The following LRFN5 variants were observed in gnomAD, a reference collection of about 807,000 sequenced individuals.
LRFN5 encodes the protein leucine-rich repeat and fibronectin type-III domain-containing protein 5.
In LRFN5, 24 loss-of-function variants were observed where a neutral mutation model predicts 45.6. The ratio of observed to expected loss-of-function variants is 0.53; its 90% CI spans 0.38 to 0.74. The LOEUF is 0.74. Ranked by LOEUF, LRFN5 falls within the 30% of genes least tolerant of loss-of-function variation. The pLI is 0.00. For missense variants in LRFN5, 776 were observed against 861.5 expected (o/e 0.90, Z 1.24); for synonymous variants, 340 against 313.8 (o/e 1.08, Z -0.88).
intron 2 of LRFN5, among the ~76,000 whole-genome samples, chr14:41,793,533 A>C (rs557787234): frequency 3.9e-5 from 6 of 152,134 alleles, no homozygotes; most frequent in African/African-American, 1.4e-4. Flanking sequence ...ATATTCATTC[A>C]AGAGACCCAT....
chr14:41,673,522 G>A (rs1223538924), intron 1 of LRFN5, among the ~76,000 whole-genome samples: 12 of 148,582 alleles, frequency 8.1e-5, no homozygotes, highest in East Asian at 2.0e-4. Context: ...AGGGGCGGCC[G>A]GGCAGAGGCA....
chr14:41,717,943 C>A (rs1883556788), intron 1 of LRFN5, among the ~76,000 whole-genome samples: 1 of 152,130 alleles, frequency 6.6e-6, no homozygotes, highest in African/African-American at 2.4e-5. Context: ...TGGCTCTTCA[C>A]TATGGAATAT....
chr14:41,826,260 A>T (rs376392656), intron 2 of LRFN5, among the ~76,000 whole-genome samples: 22 of 152,304 alleles, frequency 1.4e-4, no homozygotes, highest in African/African-American at 5.1e-4. Flanking sequence ...GATTATGTAG[A>T]TACTTTAAAA....
chr14:41,838,581 C>T (rs780015870), intron 2 of LRFN5, among the ~76,000 whole-genome samples: 4 of 152,094 alleles, frequency 2.6e-5, no homozygotes, highest in Non-Finnish European at 5.9e-5. Context: ...TATGTCTCTC[C>T]CTGTTCTCCT....
intron 2 of LRFN5, among the ~76,000 whole-genome samples, chr14:41,782,454 C>T (rs1886563150): frequency 6.6e-6 from 1 of 151,982 alleles, no homozygotes; most frequent in Non-Finnish European, 1.5e-5. Flanking sequence ...TTTTTAGAGC[C>T]CTTAACATAT....
At chr14:41,874,757 G>A (rs1332733059) in intron 2 of LRFN5, among the ~76,000 whole-genome samples, 1 of 152,076 alleles carries the variant, frequency 6.6e-6, no homozygotes, top group Non-Finnish European at 1.5e-5. Context: ...CCCAAGATTG[G>A]GTAATTTATA....
chr14:41,890,430 G>A (rs906421460), intron 3 of LRFN5, among the ~76,000 whole-genome samples: 14 of 151,934 alleles, frequency 9.2e-5, no homozygotes, highest in Non-Finnish European at 1.6e-4. Flanking sequence ...TAATCAGGCC[G>A]GGCGCGGTGG....
At chr14:41,712,302 C>CT (rs112692167) in intron 1 of LRFN5, among the ~76,000 whole-genome samples, 76,943 of 151,948 alleles carry the variant, frequency 0.51, 20,129 homozygotes, top group East Asian at 0.94. Context: ...TGGCTTACAC[C>CT]TATAATCCCA....
In LRFN5 at chr14:41,903,121, T is replaced by A. The variant is rs530352661; in HGVS notation, c.2143-1037T>A. On this transcript the variant is annotated intron_variant, in intron 5 of 5. Coordinates refer to ENST00000298119, the MANE Select transcript of LRFN5 (RefSeq NM_152447.5). Reference sequence around the variant, plus strand: ...TCCAAAATTATTATTTTTGCTAAAATCAATTTCACTATTCAGATTATCAAT... The same window carrying A: ...TCCAAAATTATTATTTTTGCTAAAAACAATTTCACTATTCAGATTATCAAT... Among the ~76,000 whole-genome samples the A allele has an allele frequency of 4.6e-5, 7 of 151,704 alleles. No individual in the cohort carries two copies. In the South Asian group the frequency reaches 1.5e-3, roughly 32 times the overall value.
rs1407035524 is a variant in LRFN5, at chr14:41,822,851, TTG to T, written c.-21+55824_-21+55825del. 4.0e-5 allele frequency among the ~76,000 whole-genome samples: 3 copies of T among 74,230 alleles called. No homozygotes were observed. The Admixed American group carries it at 4.3e-4, about 11-fold the overall frequency. The allele number at this position is 74,230 out of a possible 152,430, so 48.7% of individuals were successfully genotyped here. On this transcript the variant is annotated intron_variant, in intron 2 of 5. Coordinates refer to ENST00000298119, the MANE Select transcript of LRFN5 (RefSeq NM_152447.5). Reference sequence around the variant, plus strand: ...GTATTGGTTGCATATATATTTAGGGTTGTTTTTTTTTTTTTTTGCTGCATTGA... The same window carrying T: ...GTATTGGTTGCATATATATTTAGGGTTTTTTTTTTTTTTTTGCTGCATTGA...
At chr14:41,846,960 C>T (rs1889090454) in intron 2 of LRFN5, among the ~76,000 whole-genome samples, 1 of 152,078 alleles carries the variant, frequency 6.6e-6, no homozygotes, top group African/African-American at 2.4e-5. Flanking sequence ...AACTTTACTT[C>T]CATCTTCAAG....
chr14:41,862,855 G>GTC (rs1289791433), intron 2 of LRFN5, among the ~76,000 whole-genome samples: 3 of 133,358 alleles, frequency 2.2e-5, no homozygotes, highest in African/African-American at 5.6e-5. Context: ...GCTTATTTAA[G>GTC]TCTCTCTTTT....
At chr14:41,693,214 CT>C (rs1469205737) in intron 1 of LRFN5, among the ~76,000 whole-genome samples, 2 of 151,932 alleles carry the variant, frequency 1.3e-5, no homozygotes, top group Admixed American at 6.6e-5. Flanking sequence ...TGTTCTGTGT[CT>C]TTTAGGTCAT....
intron 1 of LRFN5, among the ~76,000 whole-genome samples, chr14:41,674,781 G>A (rs1301216341): frequency 1.3e-5 from 2 of 151,542 alleles, no homozygotes; most frequent in South Asian, 2.1e-4. Context: ...TGGCTGCCGG[G>A]CGGAGAGGCT....
At chr14:41,745,903 G>C (rs181734141) in intron 1 of LRFN5, among the ~76,000 whole-genome samples, 1 of 151,960 alleles carries the variant, frequency 6.6e-6, no homozygotes, top group African/African-American at 2.4e-5. Context: ...AAAAGCCCTG[G>C]ATCTGATGGC....
At chr14:41,801,667 T>C (rs1039625947) in intron 2 of LRFN5, among the ~76,000 whole-genome samples, 1 of 152,202 alleles carries the variant, frequency 6.6e-6, no homozygotes, top group Non-Finnish European at 1.5e-5. Flanking sequence ...ATCCCAGATG[T>C]TGGGGCACTG....
At chr14:41,652,541 A>G (rs1243015137) in intron 1 of LRFN5, among the ~76,000 whole-genome samples, 1 of 152,200 alleles carries the variant, frequency 6.6e-6, no homozygotes, top group Non-Finnish European at 1.5e-5. Flanking sequence ...TTAATATTCT[A>G]CAAGGAAGAG....
intron 1 of LRFN5, among the ~76,000 whole-genome samples, chr14:41,681,824 A>AT (rs201760109): frequency 8.0e-4 from 56 of 70,128 alleles, no homozygotes; most frequent in East Asian, 2.9e-3. Flanking sequence ...TTATTTATTT[A>AT]TTTTTTTTTT....
At chr14:41,889,423 T>G (rs897994572) in intron 3 of LRFN5, among the ~76,000 whole-genome samples, 6 of 152,100 alleles carry the variant, frequency 3.9e-5, no homozygotes, top group Non-Finnish European at 8.8e-5. Flanking sequence ...ACATCTATAT[T>G]AACTTAAAGT....
Sources: gnomAD v4.1 joint callset for allele counts (sites outside exome capture counted in the v4.1 genomes callset) on GRCh38, gnomAD v4.1.1 for gene constraint, MANE v1.5 for transcripts, NCBI Gene and HGNC (gene_info 2026-07-23, HGNC 2026-07-21) for gene names.